The following AGRN variants were observed in gnomAD, a reference collection of about 807,000 sequenced individuals.
The protein encoded by AGRN is agrin proteoglycan.
AGRN carries 106 observed loss-of-function variants against 211.0 expected under a neutral mutation model. The ratio of observed to expected loss-of-function variants is 0.50; its 90% CI spans 0.43 to 0.59. AGRN has a LOEUF of 0.59. AGRN is among the 20% of genes least tolerant of loss of function. AGRN has a pLI of 0.00. For missense variants in AGRN, 3,040 were observed against 2,982.6 expected (o/e 1.02, Z -0.45); for synonymous variants, 1,525 against 1,332.5 (o/e 1.14, Z -3.15).
At position 1,022,465 on chromosome 1, in the gene AGRN, G is replaced by T. The variant is rs1228299381; in HGVS notation, c.463+3G>T. ...GGAGGTGGAGTTCTGTGTGGAAGGT[G>T]CGTGGTGGGGGGCTCGTGTGGGGGC... On this transcript the variant is annotated splice_donor_region_variant and intron_variant, in intron 2 of 35. Coordinates refer to ENST00000379370, the MANE Select transcript of AGRN (RefSeq NM_198576.4). 1 of 1,605,230 alleles carries T rather than the reference G, an allele frequency of 6.2e-7. No individual in the cohort carries two copies. The highest frequency in any genetic ancestry group is 8.5e-7 in the Non-Finnish European group (1 of 1,174,258).
At chr1:1,035,861 G>T (rs1163047115) in intron 3 of AGRN, among the ~76,000 whole-genome samples, 1 of 152,000 alleles carries the variant, frequency 6.6e-6, no homozygotes, top group Non-Finnish European at 1.5e-5. Flanking sequence ...TGATGGAGGG[G>T]GCGGGCTGAC....
In AGRN at chr1:1,046,485, C is replaced by T; in HGVS notation, c.3000C>T (p.Pro1000=). The T allele has an allele frequency of 6.2e-7, 1 of 1,610,840 alleles. No individual in the cohort carries two copies. ...TCCTGAGCCAGGCACTGCCGGCCCC[C>T]CCCGGCGCCCTCCCCCTGGCTCCCA... ...GLLLSQALPA[P]PGALPLAPSS... is the part of the protein sequence containing the mutation. The change falls in exon 18 of 36, where the codon CCC becomes CCT. Residue 1000 remains proline (P), a synonymous_variant. Transcript: ENST00000379370.
intron 33 of AGRN, chr1:1,053,268 C>T (rs1645361442): frequency 2.6e-6 from 1 of 387,832 alleles, no homozygotes; most frequent in Non-Finnish European, 4.6e-6. Flanking sequence ...GTGTCTGCAC[C>T]CTCACGTGTC....
At chr1:1,044,076 GC>G in intron 10 of AGRN, 32 bp from the exon 11 acceptor site, 1 of 1,612,948 alleles carries the variant, frequency 6.2e-7, no homozygotes. Flanking sequence ...TGGACAAGAA[GC>G]CCCTGGGTGA....
At chr1:1,029,298 T>A (rs1166174295) in intron 2 of AGRN, among the ~76,000 whole-genome samples, 2 of 149,188 alleles carry the variant, frequency 1.3e-5, no homozygotes, top group Non-Finnish European at 3.0e-5. Context: ...GAACGTGCCT[T>A]CCCAGTGTAT....
chr1:1,048,518 C>A lies in AGRN; in HGVS notation c.4105+153C>A, dbSNP rs956699741. ...AGATGCGGTGGCTCACGCCTGTAAT[C>A]CCAGCACTTTGGGAGGCCGAGGCAG... is the stretch of plus-strand genomic sequence containing the variant. On this transcript the variant is annotated intron_variant, in intron 23 of 35. Transcript: ENST00000379370. The surrounding 1 kb of genome is among the most constrained non-coding windows in gnomAD (Gnocchi z 5.9). 2.3e-4 allele frequency: 167 copies of A among 711,202 alleles called. No homozygotes were observed. Among genetic ancestry groups the A allele is most frequent in the African/African-American group, 5.4e-5 (3 of 55,122 alleles). The allele number at this position is 711,202 out of a possible 1,614,324, so 44.1% of individuals were successfully genotyped here.
rs1644689234 is a variant in AGRN at position 1,032,168 on chromosome 1, G to T, written c.464-3109G>T. Among the ~76,000 whole-genome samples the T allele has an allele frequency of 2.0e-5, 3 of 152,178 alleles. No homozygotes were observed. The highest frequency in any genetic ancestry group is 2.0e-4 in the Admixed American group (3 of 15,276). On this transcript the variant is annotated intron_variant, in intron 2 of 35. Transcript: ENST00000379370. The surrounding 1 kb of genome is among the most constrained non-coding windows in gnomAD (Gnocchi z 4.7). ...TCTCCAAGTGCTTCCTTTGACAGCT[G>T]CTCTGGATGGGACGTGGCTTGGGGT...
chr1:1,054,309 C>T, intron 34 of AGRN, 139 bp from the exon 35 acceptor site: 2 of 806,166 alleles, frequency 2.5e-6, no homozygotes, highest in South Asian at 1.7e-5. Flanking sequence ...GCCACCTCAT[C>T]CTTGCCCCCA....
chr1:1,051,864 G>A, intron 33 of AGRN, 49 bp downstream of exon 33: 1 of 1,607,334 alleles, frequency 6.2e-7, no homozygotes, highest in Non-Finnish European at 8.5e-7. Context: ...TGCCCTCGGG[G>A]CGGGACACCG....
chr1:1,033,580 C>T (rs1644723244), intron 2 of AGRN, among the ~76,000 whole-genome samples: 1 of 150,102 alleles, frequency 6.7e-6, no homozygotes, highest in Non-Finnish European at 1.5e-5. Flanking sequence ...AGCCCCACCG[C>T]TGCCCTCGAC....
chr1:1,034,662 C>G (rs985484288), intron 2 of AGRN: 18 of 988,866 alleles, frequency 1.8e-5, no homozygotes, highest in Non-Finnish European at 2.0e-5. Flanking sequence ...CTGCTGGCCA[C>G]CGCCACGCTC....
chr1:1,033,887 T>A (rs1347332180), intron 2 of AGRN, among the ~76,000 whole-genome samples: 1 of 148,566 alleles, frequency 6.7e-6, no homozygotes, highest in Admixed American at 6.7e-5. Flanking sequence ...CGCTCTCCCG[T>A]CCGCATCCGC....
chr1:1,047,114 C>G, intron 19 of AGRN, 157 bp downstream of exon 19: 1 of 1,393,704 alleles, frequency 7.2e-7, no homozygotes, highest in Non-Finnish European at 9.6e-7. Flanking sequence ...CCTAACCCGT[C>G]TCTCTCGTTG....
rs770460630 is a variant in AGRN, at chr1:1,049,440, C to G, written c.4503C>G (p.Asp1501Glu). ...TDLFVGGVPE[D>E]QAAVALERTF... The stretch of plus-strand genomic sequence containing the variant: ...TCTTTGTGGGCGGCGTACCCGAGGA[C>G]CAGGCTGCCGTGTGAGTCCCTTGGA... The change falls in exon 25 of 36, where the codon GAC (aspartate) becomes GAG (glutamate). Residue 1501 changes from aspartate to glutamate, a missense_variant. Coordinates refer to ENST00000379370, the MANE Select transcript of AGRN (RefSeq NM_198576.4). 29 of 1,599,548 alleles carry G rather than the reference C, an allele frequency of 1.8e-5. No individual in the cohort carries two copies. Among genetic ancestry groups the G allele is most frequent in the Non-Finnish European group, 2.4e-5 (28 of 1,179,716 alleles).
intron 2 of AGRN, among the ~76,000 whole-genome samples, chr1:1,024,370 C>A (rs1457389739): frequency 6.6e-6 from 1 of 151,992 alleles, no homozygotes; most frequent in African/African-American, 2.4e-5. Flanking sequence ...CATTGAACCC[C>A]ACCCTGGGCC....
rs745711705 is a variant in AGRN at position 1,035,313 on chromosome 1, C to T, written c.500C>T (p.Thr167Met). The T allele has an allele frequency of 1.2e-5, 20 of 1,613,096 alleles. No homozygotes were observed. Among genetic ancestry groups the T allele is most frequent in the Non-Finnish European group, 1.4e-5 (17 of 1,179,984 alleles). Residue 167 changes from threonine to methionine, a missense_variant, in exon 3 of 36, where the codon ACG becomes ATG. Around this residue, in one of 3 missense-constraint regions of AGRN, gnomAD observed 1,498 missense variants for 1,457.8 expected, o/e 1.03. Coordinates refer to ENST00000379370, the MANE Select transcript of AGRN (RefSeq NM_198576.4). ...PGTHFTPVPP[T>M]PPDACRGMLC... The stretch of plus-strand genomic sequence containing the variant: ...ACCCACTTCACTCCAGTGCCTCCGA[C>T]GCCTCCTGATGGTGAGTAGGGCTGA...
At position 1,020,176 on chromosome 1, in the gene AGRN, G is replaced by A. The variant is rs1394080131; in HGVS notation, c.4G>A (p.Ala2Thr). 28 of 1,327,808 alleles carry A rather than the reference G, an allele frequency of 2.1e-5. No homozygotes were observed. Among genetic ancestry groups the A allele is most frequent in the Non-Finnish European group, 2.7e-5 (28 of 1,038,974 alleles). 82.3% of individuals were successfully genotyped at this position (1,327,808 alleles called of 1,614,324 possible). Residue 2 changes from alanine to threonine, a missense_variant, in exon 1 of 36, where the codon GCC becomes ACC. Physicochemically the swap from Ala to Thr is moderately conservative, Grantham distance 58. Transcript: ENST00000379370. ...TCCGCCGCCTCTCGCCTGCGCCATG[G>A]CCGGCCGGTCCCACCCGGGCCCGCT... M[A>T]GRSHPGPLRP...
At position 1,048,170 on chromosome 1, in the gene AGRN, GCCCCCACCACACGTCGGC is replaced by G; in HGVS notation, c.3921_3938del (p.Arg1308_Thr1313del). On this transcript the variant is annotated inframe_deletion, in exon 23 of 36. Transcript: ENST00000379370. This position sits in a 1 kb window ranked among gnomAD's most constrained non-coding sequence, Gnocchi z 5.9. ...CCAGCCCGTTGCCAAGACCACGGCA[GCCCCCACCACACGTCGGC>G]CCCCCACCACTGCCCCCAGCCGTGT... 1 of 1,578,998 alleles carries G rather than the reference GCCCCCACCACACGTCGGC, an allele frequency of 6.3e-7. No individual in the cohort carries two copies. Among genetic ancestry groups the G allele is most frequent in the Non-Finnish European group, 8.6e-7 (1 of 1,168,520 alleles).
chr1:1,027,770 CA>C (rs769311937), intron 2 of AGRN, among the ~76,000 whole-genome samples: 7 of 152,120 alleles, frequency 4.6e-5, no homozygotes, highest in Non-Finnish European at 8.8e-5. Flanking sequence ...GTCTGGGAGT[CA>C]GACCAGGCCT....
Sources: gnomAD v4.1 joint callset for allele counts (sites outside exome capture counted in the v4.1 genomes callset) on GRCh38, gnomAD v4.1.1 for gene constraint, gnomAD v4.1.1 regional missense constraint, Gnocchi (gnomAD v3.1) non-coding constraint, MANE v1.5 for transcripts, NCBI Gene and HGNC (gene_info 2026-07-23, HGNC 2026-07-21) for gene names.